Variants in UNC5C observed in about 807,000 individuals in gnomAD.
UNC5C encodes netrin receptor UNC5C.
A neutral mutation model predicts 99.8 loss-of-function variants in UNC5C; 47 were observed. That is an observed-to-expected ratio of 0.47 (90% CI 0.37 to 0.60). The LOEUF (loss-of-function observed/expected upper bound fraction) is 0.60, where lower values mean the gene tolerates loss of function less well. Among genes scored for constraint, UNC5C ranks in the 20% least tolerant of loss-of-function variants. UNC5C has a pLI of 0.00. For missense variants in UNC5C, 1,062 were observed against 1,165.9 expected (o/e 0.91, Z 1.30); for synonymous variants, 487 against 452.2 (o/e 1.08, Z -0.98).
intron 4 of UNC5C, among the ~76,000 whole-genome samples, chr4:95,252,122 A>C (rs572873090): frequency 6.6e-6 from 1 of 152,166 alleles, no homozygotes; most frequent in Non-Finnish European, 1.5e-5. Context: ...ATATATACTC[A>C]TATTCACTTG....
intron 1 of UNC5C, among the ~76,000 whole-genome samples, chr4:95,472,005 G>T (rs943196723): frequency 6.6e-6 from 1 of 152,034 alleles, no homozygotes; most frequent in African/African-American, 2.4e-5. Context: ...TGTTTATTTT[G>T]TAAGAATAAG....
rs569115916 is a variant in UNC5C, at chr4:95,425,794, C to G, written c.125-90163G>C. ...TCAACTTTAAAAATTAAAGTTTGAT[C>G]TAGAGATCTTTTAGTCAACATTATA... On this transcript the variant is annotated intron_variant, in intron 1 of 15. Coordinates refer to ENST00000453304, the MANE Select transcript of UNC5C (RefSeq NM_003728.4). Among the ~76,000 whole-genome samples the G allele has an allele frequency of 1.2e-4, 18 of 152,230 alleles. No homozygotes were observed. In the South Asian group the frequency reaches 3.7e-3, roughly 32 times the overall value.
At chr4:95,466,697 G>A (rs554163316) in intron 1 of UNC5C, among the ~76,000 whole-genome samples, 11 of 152,028 alleles carry the variant, frequency 7.2e-5, no homozygotes, top group African/African-American at 2.2e-4. Flanking sequence ...AAAAATCCCA[G>A]GCCTCAAAGG....
At chr4:95,262,394 G>T (rs1251120629) in intron 4 of UNC5C, among the ~76,000 whole-genome samples, 2 of 152,156 alleles carry the variant, frequency 1.3e-5, no homozygotes, top group Non-Finnish European at 2.9e-5. Flanking sequence ...ACTTACTTAT[G>T]TATGAGAAGG....
chr4:95,190,478 T>TTAAAG (rs375277921), intron 12 of UNC5C, among the ~76,000 whole-genome samples: 1 of 152,142 alleles, frequency 6.6e-6, no homozygotes, highest in African/African-American at 2.4e-5. Context: ...ACCCGAGAAC[T>TTAAAG]TAAAGTAGAA....
intron 7 of UNC5C, among the ~76,000 whole-genome samples, chr4:95,232,191 A>T (rs749465958): frequency 2.0e-5 from 3 of 151,406 alleles, no homozygotes; most frequent in Non-Finnish European, 4.4e-5. Flanking sequence ...TGTGTTATAT[A>T]AACTATATTA....
chr4:95,313,398 C>T (rs1349167000), intron 2 of UNC5C, among the ~76,000 whole-genome samples: 1 of 146,176 alleles, frequency 6.8e-6, no homozygotes. Flanking sequence ...CACTGACTTA[C>T]TTTAAAGGAA....
intron 4 of UNC5C, 94 bp downstream of exon 4, chr4:95,278,165 A>T: frequency 9.7e-7 from 1 of 1,027,570 alleles, no homozygotes; most frequent in Non-Finnish European, 1.5e-6. Context: ...TCATCATGCC[A>T]TACCCTAATT....
chr4:95,374,195 G>A (rs1039676859), intron 1 of UNC5C, among the ~76,000 whole-genome samples: 24 of 152,054 alleles, frequency 1.6e-4, no homozygotes, highest in Non-Finnish European at 2.9e-4. Flanking sequence ...AACATTTGCC[G>A]GGCTCAGGAT....
Position 95,297,123 on chromosome 4 carries a change from A to G in UNC5C, c.490+4483T>C, listed in dbSNP as rs115179026. Reference sequence around the variant, plus strand: ...CTCACCCCTTCAGCCTCAGGGTGCTATAACTCTGAAGGGCCATGTGAGCTT... The same window carrying G: ...CTCACCCCTTCAGCCTCAGGGTGCTGTAACTCTGAAGGGCCATGTGAGCTT... On this transcript the variant is annotated intron_variant, in intron 3 of 15. Transcript: ENST00000453304. Among the ~76,000 whole-genome samples the G allele has an allele frequency of 2.6e-3, 402 of 152,298 alleles. 2 individuals are homozygous for G. The highest frequency in any genetic ancestry group is 8.6e-3 in the African/African-American group (358 of 41,574).
At chr4:95,330,418 C>T (rs1389006673) in intron 2 of UNC5C, among the ~76,000 whole-genome samples, 1 of 151,958 alleles carries the variant, frequency 6.6e-6, no homozygotes, top group African/African-American at 2.4e-5. Context: ...TTTTTTGCCT[C>T]TAAGTAGGAT....
At chr4:95,246,537 G>T (rs1002843767) in intron 5 of UNC5C, among the ~76,000 whole-genome samples, 1 of 152,064 alleles carries the variant, frequency 6.6e-6, no homozygotes, top group Admixed American at 6.6e-5. Context: ...TCCAGCCTGG[G>T]CAACAGAGTG....
chr4:95,295,318 G>A (rs1361995827), intron 3 of UNC5C, among the ~76,000 whole-genome samples: 2 of 152,152 alleles, frequency 1.3e-5, no homozygotes, highest in Non-Finnish European at 2.9e-5. Context: ...ACTTTTCTCT[G>A]AATGAAAACT....
intron 1 of UNC5C, among the ~76,000 whole-genome samples, chr4:95,394,720 A>G (rs936241854): frequency 6.7e-6 from 1 of 149,280 alleles, no homozygotes; most frequent in African/African-American, 2.5e-5. Flanking sequence ...ATCCTTTGTT[A>G]GTGTTCTTGC....
At chr4:95,386,100 TC>T (rs1311696172) in intron 1 of UNC5C, among the ~76,000 whole-genome samples, 4 of 152,274 alleles carry the variant, frequency 2.6e-5, no homozygotes, top group African/African-American at 9.6e-5. Context: ...TAACCTGCAG[TC>T]AGTGTTTCTC....
chr4:95,504,631 T>C (rs994138446), intron 1 of UNC5C, among the ~76,000 whole-genome samples: 3 of 152,056 alleles, frequency 2.0e-5, no homozygotes, highest in African/African-American at 7.2e-5. Context: ...AAAACACACG[T>C]CACTTCAGGT....
chr4:95,344,532 G>A (rs973691796), intron 1 of UNC5C, among the ~76,000 whole-genome samples: 10 of 151,886 alleles, frequency 6.6e-5, no homozygotes, highest in Non-Finnish European at 1.2e-4. Flanking sequence ...GCAAGTATAC[G>A]AAAAACACAC....
chr4:95,323,747 A>G (rs377371186), intron 2 of UNC5C, among the ~76,000 whole-genome samples: 1 of 152,182 alleles, frequency 6.6e-6, no homozygotes, highest in African/African-American at 2.4e-5. Flanking sequence ...ATAGTAAATA[A>G]GGTTTTCGGG....
chr4:95,163,148 G>A lies in UNC5C; in HGVS notation c.*6086C>T, dbSNP rs368745300. 3 of 152,256 alleles carry A rather than the reference G, an allele frequency of 2.0e-5. No homozygotes were observed. The highest frequency in any genetic ancestry group is 2.1e-4 in the South Asian group (1 of 4,830). 9.4% of individuals were successfully genotyped at this position (152,256 alleles called of 1,614,324 possible). A position where few individuals can be genotyped will look rare whatever the true frequency, so the allele number is the denominator to read the frequency against. ...CTACCAATGGCAGATCTAGGAAAGC[G>A]TGAAGAAGAGAATGCAAATCACTTG... On this transcript the variant is annotated 3_prime_UTR_variant, in exon 16 of 16. Transcript: ENST00000453304.
Sources: allele counts gnomAD v4.1 joint callset (sites outside exome capture counted in the v4.1 genomes callset), GRCh38; gene constraint gnomAD v4.1.1; transcripts MANE v1.5; gene names NCBI Gene and HGNC (gene_info 2026-07-23, HGNC 2026-07-21).